ATP11B: variants seen among roughly 807,000 people sequenced by gnomAD.
The protein encoded by ATP11B is phospholipid-transporting ATPase IF.
Under a neutral mutation model 157.8 loss-of-function variants are expected in ATP11B, and 81 were observed. The ratio of observed to expected loss-of-function variants is 0.51; its 90% confidence interval spans 0.43 to 0.62. The LOEUF is 0.62. ATP11B is among the 20% of genes least tolerant of loss of function. The pLI, the probability that ATP11B is intolerant of heterozygous loss-of-function variation, is 0.00. For missense variants in ATP11B, 1,165 were observed against 1,402.2 expected, an observed-to-expected ratio of 0.83 and a Z score of 2.70; for synonymous variants, 451 against 469.4, an observed-to-expected ratio of 0.96 and a Z score of 0.51.
At chr3:182,853,210 TTTA>T (rs1369669347) in intron 10 of ATP11B, among the ~76,000 whole-genome samples, 15 of 152,116 alleles carry the variant, frequency 9.9e-5, no homozygotes, top group Non-Finnish European at 2.9e-5. Flanking sequence ...AGAAACCTTT[TTTA>T]TTTTTATTTT....
At chr3:182,883,845 C>G (rs1362817034) in intron 21 of ATP11B, among the ~76,000 whole-genome samples, 2 of 147,648 alleles carry the variant, frequency 1.4e-5, no homozygotes, top group Admixed American at 1.3e-4. Flanking sequence ...GTCCCAGCTA[C>G]TTGGGAGGCT....
intron 12 of ATP11B, among the ~76,000 whole-genome samples, chr3:182,863,017 G>A (rs1307451395): frequency 2.6e-5 from 4 of 151,792 alleles, no homozygotes; most frequent in Admixed American, 6.6e-5. Context: ...CTGGGTTCAC[G>A]CCATTCTCCT....
intron 10 of ATP11B, among the ~76,000 whole-genome samples, chr3:182,856,220 C>G (rs1293203695): frequency 6.6e-6 from 1 of 151,988 alleles, no homozygotes; most frequent in Non-Finnish European, 1.5e-5. Flanking sequence ...TTGGAGATTT[C>G]AATCAAGTTG....
rs1560104698 is a variant in ATP11B at position 182,873,844 on chromosome 3, C to T, written c.2081C>T (p.Ala694Val). Residue 694 changes from alanine to valine, a missense_variant, in exon 19 of 30, where the codon GCA (alanine) becomes GTA (valine). This residue lies in a region of ATP11B where 737 missense variants were observed against 930.5 expected (regional missense o/e 0.79). Transcript: ENST00000323116. ...LQDKVRETIE[A>V]LRMAGIKVWV... Reference sequence around the variant, plus strand: ...GATAAAGTTCGAGAAACTATTGAAGCATTGAGAATGGCTGGTATCAAAGTA... The same window carrying T: ...GATAAAGTTCGAGAAACTATTGAAGTATTGAGAATGGCTGGTATCAAAGTA... The T allele has an allele frequency of 1.2e-6, 2 of 1,614,084 alleles. No individual in the cohort carries two copies. The highest frequency in any genetic ancestry group is 1.7e-6 in the Non-Finnish European group (2 of 1,179,970).
chr3:182,884,306 T>C (rs1722655659), intron 21 of ATP11B, among the ~76,000 whole-genome samples: 2 of 152,146 alleles, frequency 1.3e-5, no homozygotes, highest in African/African-American at 2.4e-5. Context: ...GACTTATTCA[T>C]GGAAGTGTTA....
At chr3:182,890,361 G>T (rs1034776168) in intron 25 of ATP11B, among the ~76,000 whole-genome samples, 1 of 152,132 alleles carries the variant, frequency 6.6e-6, no homozygotes, top group Non-Finnish European at 1.5e-5. Context: ...ATACAAATTT[G>T]CAATTGGAAG....
In ATP11B at chr3:182,857,869, T is replaced by G; in HGVS notation, c.852-9T>G. ...TTGTATGTTTTATATTCTCTTTTTC[T>G]TCCTTAAGGTCAATGAATACATTTT... is the stretch of plus-strand genomic sequence containing the variant. On this transcript the variant is annotated splice_polypyrimidine_tract_variant and intron_variant, in intron 10 of 29. Transcript: ENST00000323116. The G allele has an allele frequency of 6.9e-7, 1 of 1,458,844 alleles. No homozygotes were observed. Among genetic ancestry groups the G allele is most frequent in the Non-Finnish European group, 9.5e-7 (1 of 1,050,904 alleles). 90.4% of individuals were successfully genotyped at this position (1,458,844 alleles called of 1,614,324 possible).
chr3:182,794,589 C>G (rs564995399), intron 1 of ATP11B, among the ~76,000 whole-genome samples: 77 of 152,298 alleles, frequency 5.1e-4, no homozygotes, highest in African/African-American at 1.9e-3. Context: ...ATTGGAACAT[C>G]TGGACACCAC....
intron 2 of ATP11B, among the ~76,000 whole-genome samples, chr3:182,820,796 C>A (rs906307739): frequency 6.6e-6 from 1 of 151,892 alleles, no homozygotes; most frequent in Non-Finnish European, 1.5e-5. Flanking sequence ...TTATCTTAAC[C>A]AAAATGGTTA....
chr3:182,919,032 T>C lies in ATP11B; in HGVS notation c.*928T>C, dbSNP rs1386125609. On this transcript the variant is annotated 3_prime_UTR_variant, in exon 30 of 30. Transcript: ENST00000323116. ...TCATGACATCGTTGTACAGTTTAAC[T>C]ATATCAATAAAAAGTTTGGACAGTA... The C allele has an allele frequency of 6.6e-6, 1 of 152,178 alleles. No individual in the cohort carries two copies. Among genetic ancestry groups the C allele is most frequent in the Admixed American group, 6.5e-5 (1 of 15,274 alleles). 9.4% of individuals were successfully genotyped at this position (152,178 alleles called of 1,614,324 possible). A position where few individuals can be genotyped will look rare whatever the true frequency, so the allele number is the denominator to read the frequency against.
At chr3:182,865,823 T>C (rs1298739054) in intron 13 of ATP11B, 125 bp downstream of exon 13, 2 of 732,020 alleles carry the variant, frequency 2.7e-6, no homozygotes, top group East Asian at 2.8e-5. Context: ...AATTCATATA[T>C]TTGATTCAAC....
intron 10 of ATP11B, among the ~76,000 whole-genome samples, chr3:182,853,956 A>C (rs1577025300): frequency 6.6e-6 from 1 of 152,224 alleles, no homozygotes. Flanking sequence ...GTTCAATAGA[A>C]TAAAATAGAG....
intron 24 of ATP11B, 76 bp downstream of exon 24, chr3:182,887,789 T>G: frequency 7.0e-7 from 1 of 1,438,150 alleles, no homozygotes; most frequent in Non-Finnish European, 9.4e-7. Flanking sequence ...TATGTCTTGG[T>G]GATTAATGCT....
At chr3:182,860,819 C>T (rs1451960911) in intron 12 of ATP11B, among the ~76,000 whole-genome samples, 1 of 151,958 alleles carries the variant, frequency 6.6e-6, no homozygotes, top group African/African-American at 2.4e-5. Flanking sequence ...TTAAAATTGC[C>T]TCTTATCCCA....
chr3:182,881,509 T>C (rs923074827), intron 21 of ATP11B, among the ~76,000 whole-genome samples: 5 of 150,784 alleles, frequency 3.3e-5, no homozygotes, highest in Non-Finnish European at 4.4e-5. Flanking sequence ...GCCACTGCAC[T>C]CCAGCCTGGG....
At chr3:182,910,366 A>C (rs1350688842) in intron 28 of ATP11B, among the ~76,000 whole-genome samples, 2 of 152,020 alleles carry the variant, frequency 1.3e-5, no homozygotes, top group Non-Finnish European at 2.9e-5. Context: ...ACTGGAGGCC[A>C]GGAGTTTGAG....
intron 10 of ATP11B, among the ~76,000 whole-genome samples, chr3:182,852,105 G>A (rs1459721180): frequency 6.6e-6 from 1 of 152,008 alleles, no homozygotes; most frequent in African/African-American, 2.4e-5. Flanking sequence ...GAGGGAATTG[G>A]ATTAAAAATC....
chr3:182,811,795 C>T (rs553857382), intron 1 of ATP11B, among the ~76,000 whole-genome samples: 60 of 152,210 alleles, frequency 3.9e-4, no homozygotes, highest in Non-Finnish European at 8.2e-4. Context: ...ACAGCATATA[C>T]TTTCATTGTA....
chr3:182,820,615 G>A (rs1377621719), intron 2 of ATP11B, among the ~76,000 whole-genome samples: 1 of 152,086 alleles, frequency 6.6e-6, no homozygotes, highest in Non-Finnish European at 1.5e-5. Flanking sequence ...GGTGCAGTGA[G>A]CTGTGATTGT....
Sources: gnomAD v4.1 joint callset for allele counts (sites outside exome capture counted in the v4.1 genomes callset) on GRCh38, gnomAD v4.1.1 for gene constraint, gnomAD v4.1.1 regional missense constraint, MANE v1.5 for transcripts, NCBI Gene and HGNC (gene_info 2026-07-23, HGNC 2026-07-21) for gene names.